Variants in AOAH observed in about 807,000 individuals in gnomAD.
AOAH encodes acyloxyacyl hydrolase.
In AOAH, 64 loss-of-function variants were observed where a neutral mutation model predicts 92.2. The ratio of observed to expected loss-of-function variants is 0.69; its 90% confidence interval spans 0.57 to 0.86. The LOEUF is 0.86. AOAH is among the 40% of genes least tolerant of loss of function. The probability of loss-of-function intolerance (pLI) is 0.00; values close to 1 mark genes in which losing one functional copy is unlikely to be tolerated. For missense variants in AOAH, 656 were observed against 694.6 expected (o/e 0.94, Z 0.62); for synonymous variants, 263 against 254.5 (o/e 1.03, Z -0.32).
intron 4 of AOAH, among the ~76,000 whole-genome samples, chr7:36,651,917 A>G (rs141347772): frequency 1.6e-3 from 251 of 152,350 alleles, no homozygotes; most frequent in Non-Finnish European, 3.0e-3. Flanking sequence ...AGACACAGTA[A>G]CAATTGTAGG....
intron 5 of AOAH, among the ~76,000 whole-genome samples, chr7:36,633,770 G>C (rs1205288754): frequency 6.6e-6 from 1 of 152,132 alleles, no homozygotes; most frequent in African/African-American, 2.4e-5. Context: ...AGATGGCCTG[G>C]AGAAGGATCA....
chr7:36,577,421 C>A (rs970592006), intron 12 of AOAH, among the ~76,000 whole-genome samples: 1 of 152,154 alleles, frequency 6.6e-6, no homozygotes, highest in Non-Finnish European at 1.5e-5. Context: ...TGGAAGGAGC[C>A]TGGATCCCTG....
At chr7:36,652,301 T>C (rs952085688) in intron 4 of AOAH, among the ~76,000 whole-genome samples, 3 of 152,212 alleles carry the variant, frequency 2.0e-5, no homozygotes, top group Non-Finnish European at 2.9e-5. Context: ...AATAAAATAG[T>C]GTATATTTGA....
At chr7:36,624,519 A>G (rs931929290) in intron 6 of AOAH, among the ~76,000 whole-genome samples, 2 of 152,194 alleles carry the variant, frequency 1.3e-5, no homozygotes, top group African/African-American at 2.4e-5. Context: ...ATTAGCTTCT[A>G]TGGCTCTACA....
At chr7:36,656,008 C>G (rs1184599619) in intron 4 of AOAH, among the ~76,000 whole-genome samples, 3 of 152,072 alleles carry the variant, frequency 2.0e-5, no homozygotes. Flanking sequence ...GAATAATCCA[C>G]CAAGTGGAAG....
At chr7:36,723,136 A>G (rs1799754898) in intron 1 of AOAH, among the ~76,000 whole-genome samples, 1 of 152,006 alleles carries the variant, frequency 6.6e-6, no homozygotes, top group East Asian at 1.9e-4. Flanking sequence ...GACTTATCCT[A>G]GAGTTATTTT....
At chr7:36,569,615 CTATCTATT>C (rs1057434363) in intron 13 of AOAH, among the ~76,000 whole-genome samples, 4 of 140,288 alleles carry the variant, frequency 2.9e-5, no homozygotes, top group South Asian at 2.3e-4. Context: ...ATCTATCTAT[CTATCTATT>C]TTTTAGATGG....
At chr7:36,635,911 G>T (rs190414964) in intron 5 of AOAH, among the ~76,000 whole-genome samples, 2 of 152,284 alleles carry the variant, frequency 1.3e-5, no homozygotes, top group Admixed American at 1.3e-4. Context: ...GCTCTTAGAT[G>T]CTCGATGCTC....
chr7:36,707,821 TA>T (rs1798519196), intron 1 of AOAH, among the ~76,000 whole-genome samples: 1 of 133,126 alleles, frequency 7.5e-6, no homozygotes, highest in Non-Finnish European at 1.6e-5. Context: ...CTTGGATCTG[TA>T]GGCTAATGTT....
intron 1 of AOAH, among the ~76,000 whole-genome samples, chr7:36,689,132 C>T (rs74755165): frequency 5.3e-5 from 8 of 152,100 alleles, no homozygotes; most frequent in Non-Finnish European, 1.2e-4. Flanking sequence ...AGTCATCTCA[C>T]CCAAGTTGCT....
chr7:36,514,376 G>T (rs1305718853), intron 20 of AOAH: 3 of 945,628 alleles, frequency 3.2e-6, no homozygotes, highest in Non-Finnish European at 4.8e-6. Flanking sequence ...ATCCTGGCAG[G>T]CTGTGAGGGC....
At chr7:36,544,093 A>C (rs1785624300) in intron 15 of AOAH, among the ~76,000 whole-genome samples, 3 of 150,992 alleles carry the variant, frequency 2.0e-5, no homozygotes, top group African/African-American at 4.9e-5. Flanking sequence ...ACTACAGATG[A>C]GCACCACCAC....
chr7:36,638,534 T>C (rs1031388958), intron 4 of AOAH, among the ~76,000 whole-genome samples: 2 of 151,976 alleles, frequency 1.3e-5, no homozygotes, highest in African/African-American at 4.8e-5. Context: ...CTACCAGTAA[T>C]GATTGCTGTG....
chr7:36,704,569 G>A (rs1173978030), intron 1 of AOAH, among the ~76,000 whole-genome samples: 2 of 152,104 alleles, frequency 1.3e-5, no homozygotes, highest in Non-Finnish European at 2.9e-5. Context: ...GTACAAAGAG[G>A]AGGAGCTGGT....
intron 4 of AOAH, among the ~76,000 whole-genome samples, chr7:36,646,549 A>C (rs1052551671): frequency 3.9e-5 from 6 of 152,178 alleles, no homozygotes; most frequent in African/African-American, 1.4e-4. Context: ...ACAACAAATC[A>C]ATTATTTGTA....
chr7:36,626,217 C>T lies in AOAH; in HGVS notation c.522-2967G>A, dbSNP rs370257980. ...GAGAAAGAGACAGAAATGACGTAGA[C>T]CCAAACAGCCATATTTTCAGCCTGA... On this transcript the variant is annotated intron_variant, in intron 6 of 20. Transcript: ENST00000617537. 9.2e-5 allele frequency among the ~76,000 whole-genome samples: 14 copies of T among 152,216 alleles called. No individual in the cohort carries two copies. The East Asian group carries it at 1.4e-3, about 15-fold the overall frequency.
chr7:36,661,608 A>C (rs1241479829), intron 3 of AOAH, among the ~76,000 whole-genome samples: 1 of 152,182 alleles, frequency 6.6e-6, no homozygotes, highest in Non-Finnish European at 1.5e-5. Flanking sequence ...AATCACTGCA[A>C]TGACTAACAC....
intron 4 of AOAH, among the ~76,000 whole-genome samples, chr7:36,652,559 G>T (rs1356711982): frequency 6.6e-6 from 1 of 152,182 alleles, no homozygotes; most frequent in Non-Finnish European, 1.5e-5. Flanking sequence ...TAGTGACTTT[G>T]CAGTTGGGAA....
chr7:36,612,270 C>T (rs1791514960), intron 11 of AOAH, among the ~76,000 whole-genome samples: 1 of 152,158 alleles, frequency 6.6e-6, no homozygotes, highest in Admixed American at 6.5e-5. Flanking sequence ...TGTTTGCACA[C>T]AGACACACAT....
Sources: gnomAD v4.1 joint callset for allele counts (sites outside exome capture counted in the v4.1 genomes callset) on GRCh38, gnomAD v4.1.1 for gene constraint, MANE v1.5 for transcripts, NCBI Gene and HGNC (gene_info 2026-07-23, HGNC 2026-07-21) for gene names.